The following PLCZ1 variants were observed in gnomAD, a reference collection of about 807,000 sequenced individuals.
The protein encoded by PLCZ1 is 1-phosphatidylinositol 4,5-bisphosphate phosphodiesterase zeta-1.
In PLCZ1, 64 loss-of-function variants were observed where a neutral mutation model predicts 76.8. The ratio of observed to expected loss-of-function variants is 0.83; its 90% CI spans 0.68 to 1.03. The LOEUF (loss-of-function observed/expected upper bound fraction) is 1.03. PLCZ1 is among the 50% of genes least tolerant of loss of function. PLCZ1 has a pLI of 0.00. For missense variants in PLCZ1, 751 were observed against 713.7 expected, an observed-to-expected ratio of 1.05 and a Z score of -0.60; for synonymous variants, 248 against 230.8, an observed-to-expected ratio of 1.07 and a Z score of -0.68.
At chr12:18,659,349 C>G in the PLCZ1 span, among the ~76,000 whole-genome samples, 1 of 152,072 alleles carries the variant, frequency 6.6e-6, no homozygotes, top group Non-Finnish European at 1.5e-5. Flanking sequence ...CACAGCCATA[C>G]GCTTGTAACT....
chr12:18,648,033 TGC>T, the PLCZ1 span: 8 of 1,568,854 alleles, frequency 5.1e-6, no homozygotes, highest in African/African-American at 1.4e-5. Context: ...ATTTGACCAT[TGC>T]TATGAACATA....
chr12:18,707,547 C>G (rs921260221), intron 6 of PLCZ1, among the ~76,000 whole-genome samples: 1 of 152,104 alleles, frequency 6.6e-6, no homozygotes, highest in Admixed American at 6.5e-5. Context: ...CATTTCCTTA[C>G]CAAAGGCTGT....
At chr12:18,675,378 C>T in the PLCZ1 span, among the ~76,000 whole-genome samples, 2 of 152,108 alleles carry the variant, frequency 1.3e-5, no homozygotes, top group Non-Finnish European at 2.9e-5. Flanking sequence ...AACAGATCTT[C>T]ACATGGATGC....
rs187600598 is a variant in PLCZ1 at position 18,694,609 on chromosome 12, C to A, written c.1461+301G>T. On this transcript the variant is annotated intron_variant, in intron 12 of 14. Coordinates refer to ENST00000266505, the MANE Select transcript of PLCZ1 (RefSeq NM_033123.4). ...AAGTAATTAGTGGGCTGAACTGAGA[C>A]CTGTATCTCACAATATTAAATGCCT... Among the ~76,000 whole-genome samples the A allele has an allele frequency of 2.9e-3, 435 of 152,122 alleles. 4 individuals carry two copies. The highest frequency in any genetic ancestry group is 9.7e-3 in the African/African-American group (401 of 41,508).
At chr12:18,650,722 A>C in the PLCZ1 span, among the ~76,000 whole-genome samples, 133 of 16,564 alleles carry the variant, frequency 8.0e-3, no homozygotes, top group East Asian at 0.036. Flanking sequence ...CTATATATAT[A>C]TATATATATA....
chr12:18,673,992 T>C, the PLCZ1 span, among the ~76,000 whole-genome samples: 1 of 152,186 alleles, frequency 6.6e-6, no homozygotes, highest in Non-Finnish European at 1.5e-5. Context: ...CTGTATTCTA[T>C]TGGATAAAAG....
At chr12:18,688,356 T>C in intron 12 of PLCZ1, 138 bp from the exon 13 acceptor site, 5 of 829,012 alleles carry the variant, frequency 6.0e-6, no homozygotes, top group Non-Finnish European at 8.9e-6. Flanking sequence ...TGGAATACAA[T>C]ACAAATTTTA....
the PLCZ1 span, among the ~76,000 whole-genome samples, chr12:18,652,849 C>A: frequency 2.2e-4 from 33 of 152,090 alleles, no homozygotes; most frequent in African/African-American, 8.0e-4. Context: ...CTCATAGCAA[C>A]ATATCTTTCT....
the PLCZ1 span, among the ~76,000 whole-genome samples, chr12:18,657,724 A>C: frequency 1.4e-4 from 22 of 152,296 alleles, no homozygotes; most frequent in East Asian, 4.1e-3. Flanking sequence ...AGTGAATCTG[A>C]TTTCTAGAGT....
Position 18,696,206 on chromosome 12 carries a change from C to T in PLCZ1, c.1235G>A (p.Arg412Lys), listed in dbSNP as rs2137184042. The change falls in exon 11 of 15, where the codon AGA (arginine) becomes AAA (lysine). Residue 412 changes from arginine (R) to lysine (K), a missense_variant. By Grantham distance (26) the Arg-to-Lys change is conservative. Transcript: ENST00000266505. ...FITRIYPKAT[R>K]ADSSNFNPQE... ...GGGATTAAAATTAGAAGAGTCTGCT[C>T]TTGTTGCTTTGGGATATATTCTGGT... 6.2e-7 allele frequency: 1 copy of T among 1,601,666 alleles called. No individual in the cohort carries two copies.
intron 3 of PLCZ1, among the ~76,000 whole-genome samples, chr12:18,731,848 A>T (rs1458877785): frequency 6.6e-6 from 1 of 152,040 alleles, no homozygotes; most frequent in Non-Finnish European, 1.5e-5. Context: ...TTTGTTAATG[A>T]TCTTTCCTTC....
At chr12:18,665,693 T>C in the PLCZ1 span, among the ~76,000 whole-genome samples, 3 of 151,984 alleles carry the variant, frequency 2.0e-5, no homozygotes, top group Admixed American at 2.0e-4. Flanking sequence ...TCCCAGAACT[T>C]TGGGAGGCTG....
the PLCZ1 span, among the ~76,000 whole-genome samples, chr12:18,661,027 T>G: frequency 2.6e-5 from 4 of 152,002 alleles, no homozygotes; most frequent in African/African-American, 9.7e-5. Context: ...AAAAATTCAC[T>G]AGAAGAATTG....
chr12:18,676,866 AAAT>A, the PLCZ1 span, among the ~76,000 whole-genome samples: 13 of 152,246 alleles, frequency 8.5e-5, no homozygotes, highest in East Asian at 2.5e-3. Context: ...CAGCCATGTA[AAAT>A]AATAATAACA....
chr12:18,660,774 C>A, the PLCZ1 span, among the ~76,000 whole-genome samples: 1 of 151,962 alleles, frequency 6.6e-6, no homozygotes, highest in Non-Finnish European at 1.5e-5. Flanking sequence ...AGGCATCCAA[C>A]AAACAGGAAA....
At position 18,701,786 on chromosome 12, in the gene PLCZ1, CA is replaced by C; in HGVS notation, c.865-11del. 1.3e-6 allele frequency: 2 copies of C among 1,591,012 alleles called. No homozygotes were observed. Among genetic ancestry groups the C allele is most frequent in the Non-Finnish European group, 1.7e-6 (2 of 1,168,766 alleles). ...TTTTGAATTTTAGTGCCTAAGGAAA[CA>C]ATTTGAGAGATACAATTACACATTT... On this transcript the variant is annotated splice_polypyrimidine_tract_variant and intron_variant, in intron 7 of 14. Transcript: ENST00000266505.
At chr12:18,717,911 C>A (rs1161957839) in intron 5 of PLCZ1, among the ~76,000 whole-genome samples, 1 of 152,120 alleles carries the variant, frequency 6.6e-6, no homozygotes, top group East Asian at 1.9e-4. Flanking sequence ...TTGGTCATTT[C>A]CCAAGCTAGC....
chr12:18,662,086 G>A, the PLCZ1 span, among the ~76,000 whole-genome samples: 1 of 151,984 alleles, frequency 6.6e-6, no homozygotes, highest in African/African-American at 2.4e-5. Context: ...GAGTACACAT[G>A]GACACAAAAA....
chr12:18,713,965 T>C (rs1294623000), intron 5 of PLCZ1: 1 of 152,224 alleles, frequency 6.6e-6, no homozygotes, highest in Non-Finnish European at 1.5e-5. Flanking sequence ...TATTAGCACA[T>C]ATGCTTTTAT....
Sources: gnomAD v4.1 joint callset for allele counts (sites outside exome capture counted in the v4.1 genomes callset) on GRCh38, gnomAD v4.1.1 for gene constraint, MANE v1.5 for transcripts, NCBI Gene and HGNC (gene_info 2026-07-23, HGNC 2026-07-21) for gene names.